CACNA2D1: variants seen among roughly 807,000 people sequenced by gnomAD.
CACNA2D1 encodes voltage-dependent calcium channel subunit alpha-2/delta-1.
CACNA2D1 carries 53 observed loss-of-function variants against 171.5 expected under a neutral mutation model. The observed-to-expected ratio is 0.31, with a 90% confidence interval of 0.25 to 0.39. The LOEUF (loss-of-function observed/expected upper bound fraction) is 0.39, where lower values mean the gene tolerates loss of function less well. Among genes scored for constraint, CACNA2D1 ranks in the 10% least tolerant of loss-of-function variants. The pLI is 1.00. For synonymous variants in CACNA2D1, 442 were observed against 443.1 expected, an observed-to-expected ratio of 1.00 and a Z score of 0.03; for missense variants, 903 against 1,299.8, an observed-to-expected ratio of 0.69 and a Z score of 4.69.
intron 38 of CACNA2D1, among the ~76,000 whole-genome samples, chr7:81,956,910 C>T (rs937075219): frequency 1.3e-5 from 2 of 151,916 alleles, no homozygotes; most frequent in Non-Finnish European, 2.9e-5. Context: ...GAATAGAGAA[C>T]TCAGAAATTT....
chr7:81,964,973 G>A (rs1794558958), intron 32 of CACNA2D1, among the ~76,000 whole-genome samples: 1 of 151,804 alleles, frequency 6.6e-6, no homozygotes, highest in Non-Finnish European at 1.5e-5. Context: ...GCATAAATGA[G>A]AGAGCAGGCT....
intron 1 of CACNA2D1, among the ~76,000 whole-genome samples, chr7:82,430,350 G>A (rs919624666): frequency 4.0e-5 from 6 of 150,530 alleles, no homozygotes; most frequent in Non-Finnish European, 7.4e-5. Context: ...CCCAGGAGGC[G>A]GAGGTTGCAG....
intron 7 of CACNA2D1, among the ~76,000 whole-genome samples, chr7:82,070,471 G>A (rs111690048): frequency 3.3e-4 from 50 of 152,174 alleles, no homozygotes; most frequent in Admixed American, 9.8e-4. Context: ...GAGTGGTAGT[G>A]CATGGATAGA....
intron 1 of CACNA2D1, among the ~76,000 whole-genome samples, chr7:82,414,882 C>T (rs1477664588): frequency 6.6e-6 from 1 of 152,188 alleles, no homozygotes; most frequent in Non-Finnish European, 1.5e-5. Flanking sequence ...ATAATCACAT[C>T]ATTATCATTC....
intron 5 of CACNA2D1, among the ~76,000 whole-genome samples, chr7:82,120,700 A>G (rs925132628): frequency 1.3e-4 from 20 of 151,758 alleles, no homozygotes; most frequent in Non-Finnish European, 2.9e-5. Context: ...CATGGTGAAA[A>G]CCTGTCTGTA....
At chr7:81,959,493 A>G in intron 37 of CACNA2D1, 136 bp from the exon 38 acceptor site, 6 of 776,022 alleles carry the variant, frequency 7.7e-6, no homozygotes, top group Non-Finnish European at 1.3e-5. Context: ...CAATTCAAGT[A>G]CATAGGGATT....
chr7:82,250,630 A>G (rs998777984), intron 3 of CACNA2D1, among the ~76,000 whole-genome samples: 1 of 152,170 alleles, frequency 6.6e-6, no homozygotes. Flanking sequence ...TAGCTCTCAA[A>G]TTTTAACAAA....
intron 3 of CACNA2D1, among the ~76,000 whole-genome samples, chr7:82,208,261 A>G (rs1800210853): frequency 6.6e-6 from 1 of 152,176 alleles, no homozygotes; most frequent in South Asian, 2.1e-4. Context: ...TATGTAAATA[A>G]TATACATTAA....
intron 18 of CACNA2D1, among the ~76,000 whole-genome samples, chr7:82,002,658 A>T (rs536034958): frequency 2.0e-5 from 3 of 152,334 alleles, no homozygotes; most frequent in Admixed American, 2.0e-4. Flanking sequence ...ATATCTAATT[A>T]AGTAGACCTA....
intron 6 of CACNA2D1, among the ~76,000 whole-genome samples, chr7:82,091,865 T>C (rs920125068): frequency 8.5e-5 from 13 of 152,226 alleles, no homozygotes; most frequent in African/African-American, 2.7e-4. Context: ...ATTTAACTTC[T>C]TGTGCTTCTG....
At chr7:82,263,602 C>G (rs1563277799) in intron 3 of CACNA2D1, among the ~76,000 whole-genome samples, 1 of 152,030 alleles carries the variant, frequency 6.6e-6, no homozygotes, top group Non-Finnish European at 1.5e-5. Context: ...AGTGATTATT[C>G]CAACAGACTA....
At chr7:82,218,869 G>GATATAATAAAAAATATTA (rs1801457448) in intron 3 of CACNA2D1, among the ~76,000 whole-genome samples, 1 of 150,458 alleles carries the variant, frequency 6.6e-6, no homozygotes, top group Non-Finnish European at 1.5e-5. Flanking sequence ...AAATAGTTAT[G>GATATAATAAAAAATATTA]TATTTTCATT....
At chr7:82,123,089 G>C (rs561912218) in intron 5 of CACNA2D1, among the ~76,000 whole-genome samples, 2 of 152,290 alleles carry the variant, frequency 1.3e-5, no homozygotes, top group African/African-American at 4.8e-5. Context: ...CTTTGCAAAA[G>C]GAGCATGTGC....
At chr7:81,970,079 C>T (rs1466721606) in intron 27 of CACNA2D1, 95 bp from the exon 28 acceptor site, 7 of 771,170 alleles carry the variant, frequency 9.1e-6, no homozygotes, top group Non-Finnish European at 1.7e-5. Flanking sequence ...GATACGCCTA[C>T]ATCTCAGGTA....
intron 12 of CACNA2D1, among the ~76,000 whole-genome samples, chr7:82,017,805 A>C (rs2130988736): frequency 6.6e-6 from 1 of 152,282 alleles, no homozygotes; most frequent in East Asian, 1.9e-4. Context: ...ATACAAAAAT[A>C]ACTCAAAATG....
At chr7:82,223,443 G>C (rs1802008175) in intron 3 of CACNA2D1, among the ~76,000 whole-genome samples, 1 of 152,090 alleles carries the variant, frequency 6.6e-6, no homozygotes, top group Non-Finnish European at 1.5e-5. Flanking sequence ...ACTTATCCTA[G>C]CAAAGCGATT....
intron 1 of CACNA2D1, among the ~76,000 whole-genome samples, chr7:82,390,357 T>A (rs191869053): frequency 6.6e-6 from 1 of 152,262 alleles, no homozygotes; most frequent in East Asian, 1.9e-4. Flanking sequence ...GCAATATGTA[T>A]AATTATGATA....
chr7:81,950,166 A>T lies in CACNA2D1; in HGVS notation c.*226T>A, dbSNP rs1267864381. 1 of 698,064 alleles carries T rather than the reference A, an allele frequency of 1.4e-6. No individual in the cohort carries two copies. The highest frequency in any genetic ancestry group is 2.3e-6 in the Non-Finnish European group (1 of 431,790). 43.2% of individuals were successfully genotyped at this position (698,064 alleles called of 1,614,324 possible). On this transcript the variant is annotated 3_prime_UTR_variant, in exon 39 of 39. Transcript: ENST00000356860. ...AGGACACGTATAGGATTTTGCTTTG[A>T]TGTTACACATAGATGATGCAGCATT...
intron 3 of CACNA2D1, among the ~76,000 whole-genome samples, chr7:82,317,924 T>A (rs2129436510): frequency 6.6e-6 from 1 of 151,736 alleles, no homozygotes; most frequent in Non-Finnish European, 1.5e-5. Flanking sequence ...CCCAAGCTCT[T>A]TGTACTATAC....
Sources: gnomAD v4.1 joint callset for allele counts (sites outside exome capture counted in the v4.1 genomes callset) on GRCh38, gnomAD v4.1.1 for gene constraint, MANE v1.5 for transcripts, NCBI Gene and HGNC (gene_info 2026-07-23, HGNC 2026-07-21) for gene names.